DSCAML1: variants seen among roughly 807,000 people sequenced by gnomAD.
DSCAML1 encodes DS cell adhesion molecule like 1.
DSCAML1 carries 38 observed loss-of-function variants against 200.5 expected under a neutral mutation model. The observed-to-expected ratio is 0.19, with a 90% CI of 0.15 to 0.25. DSCAML1 has a LOEUF of 0.25. DSCAML1 is among the 10% of genes least tolerant of loss of function. The probability of loss-of-function intolerance (pLI) is 1.00; values close to 1 mark genes in which losing one functional copy is unlikely to be tolerated. For synonymous variants in DSCAML1, 1,215 were observed against 1,165.0 expected (o/e 1.04, Z -0.87); for missense variants, 2,223 against 2,858.8 (o/e 0.78, Z 5.07).
chr11:117,593,072 G>A (rs2051289146), intron 3 of DSCAML1, among the ~76,000 whole-genome samples: 1 of 152,252 alleles, frequency 6.6e-6, no homozygotes, highest in African/African-American at 2.4e-5. Context: ...GGCACTTACG[G>A]GGCACTAAAC....
intron 20 of DSCAML1, among the ~76,000 whole-genome samples, chr11:117,446,495 AG>A (rs1419203782): frequency 3.3e-5 from 5 of 152,262 alleles, no homozygotes; most frequent in African/African-American, 1.2e-4. Context: ...TAAATCAATA[AG>A]AAAAATATGA....
At chr11:117,718,187 G>A (rs185994176) in intron 3 of DSCAML1, among the ~76,000 whole-genome samples, 7 of 152,332 alleles carry the variant, frequency 4.6e-5, no homozygotes, top group Admixed American at 2.0e-4. Flanking sequence ...TTGCCGCGCC[G>A]GCTCCAGCCT....
chr11:117,791,876 G>A lies in DSCAML1; in HGVS notation c.46+5158C>T, dbSNP rs550318221. ...AAAGTAGAGGTCTAATGTTTATTGAGCACTAACTATGTTCTGGCTACTTGA... is the reference window on the plus strand; with the variant it reads ...AAAGTAGAGGTCTAATGTTTATTGAACACTAACTATGTTCTGGCTACTTGA... On this transcript the variant is annotated intron_variant, in intron 1 of 32. Transcript: ENST00000651296. Among the ~76,000 whole-genome samples the A allele has an allele frequency of 2.0e-5, 3 of 152,320 alleles. No individual in the cohort carries two copies. The East Asian group carries it at 5.8e-4, about 29-fold the overall frequency.
chr11:117,606,545 T>C (rs764867988), intron 3 of DSCAML1, among the ~76,000 whole-genome samples: 1 of 152,224 alleles, frequency 6.6e-6, no homozygotes, highest in Non-Finnish European at 1.5e-5. Context: ...GTATTTGAGG[T>C]AGTTATAAAA....
chr11:117,797,246 C>G (rs1363609831), upstream of DSCAML1: 50 of 1,447,016 alleles, frequency 3.5e-5, no homozygotes, highest in Non-Finnish European at 4.5e-5. Flanking sequence ...CCTCGGCTCC[C>G]CGGCTCCTGT....
chr11:117,561,657 C>T (rs531647323), intron 3 of DSCAML1, among the ~76,000 whole-genome samples: 13 of 152,344 alleles, frequency 8.5e-5, no homozygotes, highest in Admixed American at 2.6e-4. Context: ...TCCTACTCTA[C>T]CCAGCCCCTA....
At chr11:117,735,138 G>A (rs771761163) in intron 3 of DSCAML1, among the ~76,000 whole-genome samples, 2 of 152,118 alleles carry the variant, frequency 1.3e-5, no homozygotes, top group Admixed American at 6.5e-5. Context: ...GTCTTACCCC[G>A]TAGCATCCCC....
chr11:117,613,283 C>T (rs1040018408), intron 3 of DSCAML1, among the ~76,000 whole-genome samples: 1 of 151,990 alleles, frequency 6.6e-6, no homozygotes, highest in Non-Finnish European at 1.5e-5. Flanking sequence ...CAGAAAAAGA[C>T]ACAAGGGTGC....
chr11:117,474,956 C>T (rs1438204341), intron 14 of DSCAML1, among the ~76,000 whole-genome samples: 2 of 152,026 alleles, frequency 1.3e-5, no homozygotes, highest in African/African-American at 2.4e-5. Flanking sequence ...GGGGTTTCAC[C>T]GTGTTAGCCA....
At chr11:117,623,207 TTTTC>T (rs1283312769) in intron 3 of DSCAML1, among the ~76,000 whole-genome samples, 1 of 111,278 alleles carries the variant, frequency 9.0e-6, no homozygotes, top group Non-Finnish European at 1.8e-5. Context: ...TTCTTTTTTC[TTTTC>T]TTTTCTTTTT....
intron 21 of DSCAML1, among the ~76,000 whole-genome samples, chr11:117,442,637 A>G (rs2137093552): frequency 6.6e-6 from 1 of 152,206 alleles, no homozygotes; most frequent in Admixed American, 6.5e-5. Context: ...GACCGTGTTT[A>G]TTTAATGCCC....
intron 3 of DSCAML1, among the ~76,000 whole-genome samples, chr11:117,776,430 G>T (rs61905348): frequency 0.086 from 13,063 of 151,880 alleles, 644 homozygotes; most frequent in African/African-American, 0.13. Flanking sequence ...TCCTCCCCTT[G>T]CCACCTTTCG....
intron 3 of DSCAML1, among the ~76,000 whole-genome samples, chr11:117,693,237 C>T (rs1220423277): frequency 2.0e-5 from 3 of 152,164 alleles, no homozygotes; most frequent in African/African-American, 7.2e-5. Context: ...CAAGTGTTCC[C>T]CAGCCTGTAC....
At chr11:117,644,258 G>C (rs927852720) in intron 3 of DSCAML1, among the ~76,000 whole-genome samples, 1 of 152,216 alleles carries the variant, frequency 6.6e-6, no homozygotes, top group African/African-American at 2.4e-5. Context: ...GGAAACAAGC[G>C]GATATTTTAG....
At chr11:117,706,632 G>A (rs931021111) in intron 3 of DSCAML1, among the ~76,000 whole-genome samples, 37 of 152,158 alleles carry the variant, frequency 2.4e-4, no homozygotes, top group African/African-American at 7.0e-4. Context: ...CGCAGCCAAC[G>A]CCCTCACCTG....
intron 3 of DSCAML1, among the ~76,000 whole-genome samples, chr11:117,721,941 A>G (rs2054048418): frequency 6.6e-6 from 1 of 152,070 alleles, no homozygotes. Flanking sequence ...TTTAAAATGT[A>G]AGTCATTTGT....
At chr11:117,576,803 TAG>T (rs1362125074) in intron 3 of DSCAML1, among the ~76,000 whole-genome samples, 1 of 152,138 alleles carries the variant, frequency 6.6e-6, no homozygotes, top group Admixed American at 6.5e-5. Flanking sequence ...AACAATCAGC[TAG>T]AGAGTCAACA....
intron 3 of DSCAML1, among the ~76,000 whole-genome samples, chr11:117,536,481 C>T (rs1023195668): frequency 2.2e-4 from 33 of 152,222 alleles, no homozygotes; most frequent in African/African-American, 8.0e-4. Flanking sequence ...GCCAGTACCT[C>T]CGGGTCCAGC....
chr11:117,651,354 C>T (rs551607715), intron 3 of DSCAML1, among the ~76,000 whole-genome samples: 7 of 152,200 alleles, frequency 4.6e-5, no homozygotes, highest in Admixed American at 1.3e-4. Context: ...CCACAGTGCA[C>T]TGATGGGCTC....
Sources: gnomAD v4.1 joint callset for allele counts (sites outside exome capture counted in the v4.1 genomes callset) on GRCh38, gnomAD v4.1.1 for gene constraint, MANE v1.5 for transcripts, NCBI Gene and HGNC (gene_info 2026-07-23, HGNC 2026-07-21) for gene names.